Variants in ADGRG2 observed in about 807,000 individuals in gnomAD.
ADGRG2 encodes G protein-coupled receptor 64.
A neutral mutation model predicts 74.1 loss-of-function variants in ADGRG2; 26 were observed. The observed-to-expected ratio is 0.35, with a 90% CI of 0.26 to 0.49. The LOEUF (loss-of-function observed/expected upper bound fraction) is 0.49, where lower values mean the gene tolerates loss of function less well. Among genes scored for constraint, ADGRG2 ranks in the 20% least tolerant of loss-of-function variants. The pLI is 0.99. For synonymous variants in ADGRG2, 296 were observed against 295.2 expected (o/e 1.00, Z -0.03); for missense variants, 619 against 763.1 (o/e 0.81, Z 2.22).
At chrX:19,084,683 T>G (rs1391823595) in intron 1 of ADGRG2, among the ~76,000 whole-genome samples, 1 of 112,323 alleles carries the variant, frequency 8.9e-6, no homozygotes, top group Non-Finnish European at 1.9e-5. Flanking sequence ...TAGGGATTTC[T>G]GATATTTTGA....
intron 1 of ADGRG2, among the ~76,000 whole-genome samples, chrX:19,097,489 C>G (rs751432491): frequency 8.9e-6 from 1 of 112,345 alleles, no homozygotes; most frequent in South Asian, 3.8e-4. Context: ...TTAGCCTGAG[C>G]AACAGGGTGA....
chrX:19,042,177 G>A (rs1286746805), intron 3 of ADGRG2, among the ~76,000 whole-genome samples: 3 of 111,537 alleles, frequency 2.7e-5, no homozygotes, highest in Non-Finnish European at 3.8e-5. Flanking sequence ...TCACATCTTA[G>A]TATGAGTTCA....
intron 1 of ADGRG2, among the ~76,000 whole-genome samples, chrX:19,087,416 C>A (rs2061951682): frequency 1.8e-5 from 2 of 112,146 alleles, no homozygotes; most frequent in Non-Finnish European, 3.8e-5. Context: ...AATGGGAGCA[C>A]CGAGGAAGGA....
In ADGRG2 at chrX:19,069,971, C is replaced by T. The variant is rs143149615; in HGVS notation, c.-1-1136G>A. Among the ~76,000 whole-genome samples, 840 of 112,306 alleles carry T rather than the reference C, an allele frequency of 7.5e-3. 5 individuals carry two copies. Among genetic ancestry groups the T allele is most frequent in the Non-Finnish European group, 8.4e-3 (445 of 53,172 alleles). ...AGGATGGCAATGCTAAAAGAATGCG[C>T]GGTAACACATGCCCTCTGGGGCTCG... is the stretch of plus-strand genomic sequence containing the variant. On this transcript the variant is annotated intron_variant, in intron 2 of 28. Coordinates refer to ENST00000379869, the MANE Select transcript of ADGRG2 (RefSeq NM_001079858.3).
intron 13 of ADGRG2, among the ~76,000 whole-genome samples, chrX:19,022,815 G>A (rs1390952815): frequency 9.0e-6 from 1 of 111,442 alleles, no homozygotes; most frequent in East Asian, 2.8e-4. Flanking sequence ...TTGTGCCTCA[G>A]CCTCCTGAGT....
intron 1 of ADGRG2, among the ~76,000 whole-genome samples, chrX:19,106,971 A>T (rs767929061): frequency 9.1e-6 from 1 of 110,418 alleles, no homozygotes; most frequent in African/African-American, 3.3e-5. Flanking sequence ...TGCAGGCTAC[A>T]CACAACCTGG....
chrX:19,103,823 T>C (rs982373210), intron 1 of ADGRG2, among the ~76,000 whole-genome samples: 2 of 111,386 alleles, frequency 1.8e-5, no homozygotes, highest in African/African-American at 6.5e-5. Context: ...GTGTGCCCAG[T>C]GAGGCCACCC....
chrX:19,024,869 A>T (rs947046295), intron 11 of ADGRG2, among the ~76,000 whole-genome samples: 1 of 112,053 alleles, frequency 8.9e-6, no homozygotes, highest in Non-Finnish European at 1.9e-5. Context: ...CTCAGAGACC[A>T]CCTCCTGGGC....
At chrX:19,122,559 G>C (rs1302653546), upstream of ADGRG2, 1 of 109,770 alleles carries the variant, frequency 9.1e-6, no homozygotes, top group African/African-American at 3.2e-5. Context: ...CGCCGCTCCC[G>C]GCCCGCTCCG....
At chrX:19,011,324 T>C (rs2060352037) in intron 16 of ADGRG2, among the ~76,000 whole-genome samples, 1 of 111,804 alleles carries the variant, frequency 8.9e-6, no homozygotes, top group Admixed American at 9.5e-5. Flanking sequence ...GGTGGTTACG[T>C]GACTGTGGGT....
At chrX:19,042,990 CAA>C (rs200782656) in intron 3 of ADGRG2, among the ~76,000 whole-genome samples, 1 of 100,213 alleles carries the variant, frequency 1.0e-5, no homozygotes. Flanking sequence ...AACTCTGTTT[CAA>C]AAAAAAAAAG....
intron 6 of ADGRG2, 57 bp from the exon 7 acceptor site, chrX:19,036,034 G>T: frequency 1.8e-6 from 1 of 564,157 alleles, no homozygotes; most frequent in Non-Finnish European, 2.8e-6. Flanking sequence ...AAACATGTGT[G>T]TCTTCCTAGG....
chrX:19,097,783 TTAAG>T (rs2062122267), intron 1 of ADGRG2, among the ~76,000 whole-genome samples: 1 of 111,992 alleles, frequency 8.9e-6, no homozygotes, highest in Non-Finnish European at 1.9e-5. Flanking sequence ...CAAATATTTA[TTAAG>T]TAAATACCAT....
intron 25 of ADGRG2, 74 bp from the exon 26 acceptor site, chrX:18,999,353 G>C (rs1352781728): frequency 1.1e-6 from 1 of 874,138 alleles, no homozygotes; most frequent in Admixed American, 3.2e-5. Context: ...ATGATACAAT[G>C]AATCTCTAAC....
intron 20 of ADGRG2, among the ~76,000 whole-genome samples, chrX:19,006,915 C>A (rs1392906826): frequency 4.6e-5 from 5 of 108,933 alleles, no homozygotes; most frequent in Non-Finnish European, 7.6e-5. Flanking sequence ...TGCCACCACG[C>A]CCAGCTAATT....
intron 1 of ADGRG2, among the ~76,000 whole-genome samples, chrX:19,115,237 G>A (rs968153796): frequency 9.0e-5 from 10 of 110,870 alleles, no homozygotes; most frequent in Non-Finnish European, 1.5e-4. Flanking sequence ...TCATTCATTC[G>A]GTCATTTGAC....
intron 14 of ADGRG2, among the ~76,000 whole-genome samples, chrX:19,020,617 A>G (rs1309617298): frequency 9.0e-6 from 1 of 111,254 alleles, no homozygotes; most frequent in African/African-American, 3.3e-5. Context: ...TTAAAGTAAA[A>G]TAAAATAAAA....
intron 1 of ADGRG2, among the ~76,000 whole-genome samples, chrX:19,103,272 T>C (rs762138458): frequency 9.0e-6 from 1 of 111,377 alleles, no homozygotes; most frequent in South Asian, 3.9e-4. Flanking sequence ...GCCATGACGG[T>C]TTACAAATGC....
At chrX:19,004,927 T>TAC in intron 22 of ADGRG2, 48 bp from the exon 23 acceptor site, 1 of 1,007,762 alleles carries the variant, frequency 9.9e-7, no homozygotes, top group Non-Finnish European at 1.4e-6. Context: ...TTTAAATAAA[T>TAC]ACAAGACTTA....
Sources: allele counts gnomAD v4.1 joint callset (sites outside exome capture counted in the v4.1 genomes callset), GRCh38; gene constraint gnomAD v4.1.1; transcripts MANE v1.5; gene names NCBI Gene and HGNC (gene_info 2026-07-23, HGNC 2026-07-21).